DYRK1A: variants seen among roughly 807,000 people sequenced by gnomAD.
The protein encoded by DYRK1A is dual specificity tyrosine-phosphorylation-regulated kinase 1A.
In DYRK1A, 9 loss-of-function variants were observed where a neutral mutation model predicts 79.7. The observed-to-expected ratio is 0.11, with a 90% CI of 0.07 to 0.20. The LOEUF is 0.20. DYRK1A is among the 10% of genes least tolerant of loss of function. The pLI is 1.00. For missense variants in DYRK1A, 622 were observed against 956.0 expected (o/e 0.65, Z 4.61); for synonymous variants, 349 against 329.7 (o/e 1.06, Z -0.63).
At position 37,381,093 on chromosome 21, in the gene DYRK1A, C is replaced by A. The variant is rs189014542; in HGVS notation, c.-77+13465C>A. On this transcript the variant is annotated intron_variant, in intron 1 of 11. Transcript: ENST00000647188. ...ACCAGTAGTGTTTTGCTCTCTCTTGCAATCTCAGTGGTTGGCAGGGTGCTT... is the reference window on the plus strand; with the variant it reads ...ACCAGTAGTGTTTTGCTCTCTCTTGAAATCTCAGTGGTTGGCAGGGTGCTT... Among the ~76,000 whole-genome samples the A allele has an allele frequency of 7.9e-5, 12 of 152,294 alleles. No individual in the cohort carries two copies. In the East Asian group the frequency reaches 2.3e-3, roughly 29 times the overall value.
intron 2 of DYRK1A, among the ~76,000 whole-genome samples, chr21:37,429,939 T>C (rs2050731610): frequency 6.6e-6 from 1 of 152,372 alleles, no homozygotes; most frequent in Non-Finnish European, 1.5e-5. Context: ...TGTTTGTAGC[T>C]GTGTTTTAGT....
At chr21:37,465,168 T>C (rs1437412157) in intron 2 of DYRK1A, among the ~76,000 whole-genome samples, 1 of 152,210 alleles carries the variant, frequency 6.6e-6, no homozygotes, top group Non-Finnish European at 1.5e-5. Flanking sequence ...AAATAACTGA[T>C]AATGTCACTA....
At chr21:37,492,974 G>A (rs1210682469) in intron 7 of DYRK1A, 43 bp from the exon 8 acceptor site, 1 of 1,511,860 alleles carries the variant, frequency 6.6e-7, no homozygotes, top group Non-Finnish European at 9.1e-7. Flanking sequence ...GCTGACTGCA[G>A]TTTTAAGCAA....
intron 2 of DYRK1A, among the ~76,000 whole-genome samples, chr21:37,434,411 C>T (rs890318454): frequency 4.6e-5 from 7 of 152,150 alleles, no homozygotes; most frequent in Admixed American, 6.6e-5. Context: ...GTCTCCTTGA[C>T]ATGTTTCAAA....
chr21:37,482,676 G>A (rs932350133), intron 5 of DYRK1A, among the ~76,000 whole-genome samples: 5 of 152,150 alleles, frequency 3.3e-5, no homozygotes, highest in South Asian at 2.1e-4. Context: ...TTTATTAGGC[G>A]GGAATTTCCT....
At chr21:37,425,670 A>G (rs540400726) in intron 2 of DYRK1A, 1 of 152,078 alleles carries the variant, frequency 6.6e-6, no homozygotes, top group Non-Finnish European at 1.5e-5. Flanking sequence ...TAGTTTTAAA[A>G]TTTTCCCATT....
chr21:37,448,514 A>G (rs892935171), intron 2 of DYRK1A, among the ~76,000 whole-genome samples: 3 of 152,288 alleles, frequency 2.0e-5, no homozygotes, highest in African/African-American at 7.2e-5. Flanking sequence ...TTTTTATAAC[A>G]TAACTTTGTT....
intron 1 of DYRK1A, among the ~76,000 whole-genome samples, chr21:37,379,108 A>G (rs932720226): frequency 2.1e-4 from 32 of 152,076 alleles, no homozygotes; most frequent in Admixed American, 5.9e-4. Context: ...TGAAGGGGAC[A>G]CTTGTGGACA....
chr21:37,420,594 G>A (rs1337102125), intron 2 of DYRK1A, among the ~76,000 whole-genome samples: 1 of 152,066 alleles, frequency 6.6e-6, no homozygotes, highest in Non-Finnish European at 1.5e-5. Context: ...TACAAATACA[G>A]CATAGTAAAT....
intron 2 of DYRK1A, among the ~76,000 whole-genome samples, chr21:37,472,077 C>T (rs1159662175): frequency 6.6e-6 from 1 of 152,130 alleles, no homozygotes; most frequent in Non-Finnish European, 1.5e-5. Flanking sequence ...CTTGCCAGGT[C>T]TAGATTCCCT....
intron 2 of DYRK1A, among the ~76,000 whole-genome samples, chr21:37,455,558 G>T (rs377109512): frequency 2.0e-5 from 3 of 152,172 alleles, no homozygotes; most frequent in East Asian, 3.9e-4. Context: ...TCTCTTATCT[G>T]TCGTCCGTAT....
At chr21:37,422,150 T>C (rs1243031356) in intron 2 of DYRK1A, among the ~76,000 whole-genome samples, 1 of 152,158 alleles carries the variant, frequency 6.6e-6, no homozygotes, top group African/African-American at 2.4e-5. Flanking sequence ...ATCCAATCTC[T>C]TATTCAGCCT....
chr21:37,438,700 T>C (rs1307685856), intron 2 of DYRK1A, among the ~76,000 whole-genome samples: 3 of 152,224 alleles, frequency 2.0e-5, no homozygotes, highest in Non-Finnish European at 4.4e-5. Flanking sequence ...CTGATACCAA[T>C]ACCATATTGT....
chr21:37,470,269 C>T (rs1014604066), intron 2 of DYRK1A, among the ~76,000 whole-genome samples: 1 of 152,048 alleles, frequency 6.6e-6, no homozygotes, highest in African/African-American at 2.4e-5. Flanking sequence ...GGGATGCTGG[C>T]CATTTTTTCC....
chr21:37,419,137 A>G (rs1176364377), intron 1 of DYRK1A: 3 of 152,226 alleles, frequency 2.0e-5, no homozygotes, highest in Non-Finnish European at 2.9e-5. Flanking sequence ...TGGGCAAACT[A>G]TAATGGTTGT....
In DYRK1A at chr21:37,523,274, C is replaced by T. The variant is rs185716660; in HGVS notation, c.*10743C>T. On this transcript the variant is annotated 3_prime_UTR_variant, in exon 12 of 12. Transcript: ENST00000647188. ...CATGCTGGTCTTGAACCCCTGGGCTCAAGCGATCCTTCTGCCTCAGCCTCC... is the reference window on the plus strand; with the variant it reads ...CATGCTGGTCTTGAACCCCTGGGCTTAAGCGATCCTTCTGCCTCAGCCTCC... 7 of 152,664 alleles carry T rather than the reference C, an allele frequency of 4.6e-5. No homozygotes were observed. The highest frequency in any genetic ancestry group is 3.3e-4 in the Admixed American group (5 of 15,300). The allele number at this position is 152,664 out of a possible 1,614,324, so 9.5% of individuals were successfully genotyped here.
chr21:37,475,684 T>C (rs576635044), intron 3 of DYRK1A, among the ~76,000 whole-genome samples: 1 of 152,238 alleles, frequency 6.6e-6, no homozygotes, highest in Non-Finnish European at 1.5e-5. Context: ...TGGAAAAGAT[T>C]AGCAACATTT....
At chr21:37,449,810 C>T (rs766989070) in intron 2 of DYRK1A, among the ~76,000 whole-genome samples, 1 of 152,186 alleles carries the variant, frequency 6.6e-6, no homozygotes, top group Non-Finnish European at 1.5e-5. Context: ...CCGCATTCTT[C>T]ATTTACTTTC....
chr21:37,377,301 A>G (rs549623564), intron 1 of DYRK1A, among the ~76,000 whole-genome samples: 1 of 151,948 alleles, frequency 6.6e-6, no homozygotes, highest in South Asian at 2.1e-4. Flanking sequence ...TCGTATTTTT[A>G]GTAGAGATGG....
Sources: allele counts gnomAD v4.1 joint callset (sites outside exome capture counted in the v4.1 genomes callset), GRCh38; gene constraint gnomAD v4.1.1; transcripts MANE v1.5; gene names NCBI Gene and HGNC (gene_info 2026-07-23, HGNC 2026-07-21).